Variants in CAST observed in about 807,000 individuals in gnomAD.
The protein encoded by CAST is MIR583 host.
In CAST, 76 loss-of-function variants were observed where a neutral mutation model predicts 119.6. The ratio of observed to expected loss-of-function variants is 0.64; its 90% CI spans 0.53 to 0.77. CAST has a LOEUF of 0.77. CAST is among the 30% of genes least tolerant of loss of function. CAST has a pLI of 0.00. For synonymous variants in CAST, 319 were observed against 331.6 expected (o/e 0.96, Z 0.41); for missense variants, 953 against 946.5 (o/e 1.01, Z -0.09).
chr5:96,584,229 C>T (rs1345144678), intron 1 of CAST, among the ~76,000 whole-genome samples: 1 of 152,214 alleles, frequency 6.6e-6, no homozygotes, highest in East Asian at 1.9e-4. Context: ...TTGGCATGCA[C>T]TGTTCCCAAT....
At chr5:96,646,189 T>C (rs1748012976) in intron 1 of CAST, among the ~76,000 whole-genome samples, 2 of 152,160 alleles carry the variant, frequency 1.3e-5, no homozygotes, top group Admixed American at 1.3e-4. Flanking sequence ...GGTGCAAAAA[T>C]TTTGGTTGGT....
the CAST span, among the ~76,000 whole-genome samples, chr5:96,194,214 A>G: frequency 1.3e-5 from 2 of 152,200 alleles, no homozygotes; most frequent in Non-Finnish European, 2.9e-5. Flanking sequence ...CATAGAAGAG[A>G]CACACTGAGT....
At chr5:96,727,168 GT>G (rs1561530645) in intron 5 of CAST, among the ~76,000 whole-genome samples, 1 of 152,130 alleles carries the variant, frequency 6.6e-6, no homozygotes, top group African/African-American at 2.4e-5. Flanking sequence ...TGTGATGAAG[GT>G]TTTTATTTTC....
At chr5:96,164,501 T>C in the CAST span, among the ~76,000 whole-genome samples, 1 of 152,216 alleles carries the variant, frequency 6.6e-6, no homozygotes, top group East Asian at 1.9e-4. Flanking sequence ...AGGAGTAAGA[T>C]TTGCTGGAGG....
the CAST span, among the ~76,000 whole-genome samples, chr5:96,031,113 A>G: frequency 1.3e-5 from 2 of 151,918 alleles, no homozygotes; most frequent in African/African-American, 4.8e-5. Context: ...ACTATTTGCC[A>G]TATTTCCACT....
chr5:96,731,274 T>C (rs1760422766), intron 9 of CAST, among the ~76,000 whole-genome samples: 1 of 152,158 alleles, frequency 6.6e-6, no homozygotes, highest in African/African-American at 2.4e-5. Context: ...CATGAATGGA[T>C]ATGAGAAGTT....
At chr5:96,441,774 C>G in the CAST span, among the ~76,000 whole-genome samples, 61 of 152,200 alleles carry the variant, frequency 4.0e-4, 1 homozygote, top group Middle Eastern at 6.8e-3. Context: ...AAAAGGGGCA[C>G]TTTTTTATAA....
chr5:95,969,599 G>T, the CAST span, among the ~76,000 whole-genome samples: 1 of 152,094 alleles, frequency 6.6e-6, no homozygotes, highest in Non-Finnish European at 1.5e-5. Flanking sequence ...TGGGAATGGA[G>T]AAAAGGAGAA....
At chr5:95,990,526 G>A in the CAST span, among the ~76,000 whole-genome samples, 3 of 151,928 alleles carry the variant, frequency 2.0e-5, no homozygotes, top group Admixed American at 2.0e-4. Flanking sequence ...AACATCTACA[G>A]TCCCACCAGT....
chr5:96,522,228 T>C (rs1002620214), upstream of CAST, among the ~76,000 whole-genome samples: 3 of 152,226 alleles, frequency 2.0e-5, no homozygotes, highest in Admixed American at 1.3e-4. Context: ...TGGGTACTTT[T>C]ATTGTCAAGC....
chr5:96,066,054 T>C, the CAST span, among the ~76,000 whole-genome samples: 1 of 152,146 alleles, frequency 6.6e-6, no homozygotes, highest in Non-Finnish European at 1.5e-5. Context: ...TGTTAAGCAT[T>C]TTATGACAGA....
chr5:96,262,685 A>G, the CAST span, among the ~76,000 whole-genome samples: 24 of 151,830 alleles, frequency 1.6e-4, no homozygotes, highest in Admixed American at 1.2e-3. Flanking sequence ...GCCTGCCACC[A>G]CGCCCGGCTA....
the CAST span, among the ~76,000 whole-genome samples, chr5:95,984,985 C>T: frequency 7.5e-6 from 1 of 132,722 alleles, no homozygotes; most frequent in Admixed American, 7.7e-5. Flanking sequence ...ATTATTAAAG[C>T]CAAAAGTGGT....
the CAST span, among the ~76,000 whole-genome samples, chr5:95,984,829 T>C: frequency 1.3e-5 from 2 of 152,198 alleles, no homozygotes; most frequent in African/African-American, 4.8e-5. Flanking sequence ...AATCAGACAT[T>C]GAACACCTAC....
At chr5:95,997,966 T>TG in the CAST span, among the ~76,000 whole-genome samples, 2 of 129,396 alleles carry the variant, frequency 1.5e-5, no homozygotes, top group South Asian at 3.0e-4. Context: ...AGAGAGGGTT[T>TG]TTTTTTTTTT....
chr5:96,450,157 G>A, the CAST span, among the ~76,000 whole-genome samples: 1 of 152,116 alleles, frequency 6.6e-6, no homozygotes, highest in East Asian at 1.9e-4. Flanking sequence ...TTCCACCTAA[G>A]TGCCCATCAA....
chr5:96,734,409 T>C (rs1761222226), intron 9 of CAST, among the ~76,000 whole-genome samples: 1 of 152,144 alleles, frequency 6.6e-6, no homozygotes, highest in African/African-American at 2.4e-5. Flanking sequence ...AGGTAGAAGG[T>C]TGGTCAGGGA....
intron 28 of CAST, among the ~76,000 whole-genome samples, chr5:96,767,684 CAG>C (rs1770486175): frequency 6.6e-6 from 1 of 152,022 alleles, no homozygotes; most frequent in South Asian, 2.1e-4. Context: ...AACTGAGGCT[CAG>C]AGAATGCTAA....
At chr5:96,256,469 ACAT>A in the CAST span, among the ~76,000 whole-genome samples, 3 of 150,922 alleles carry the variant, frequency 2.0e-5, no homozygotes, top group Non-Finnish European at 4.4e-5. Flanking sequence ...CATTGTGCTA[ACAT>A]CATATTTTGT....
Sources: allele counts gnomAD v4.1 joint callset (sites outside exome capture counted in the v4.1 genomes callset), GRCh38; gene constraint gnomAD v4.1.1; transcripts MANE v1.5; gene names NCBI Gene and HGNC (gene_info 2026-07-23, HGNC 2026-07-21).